The following PLCXD3 variants were observed in gnomAD, a reference collection of about 807,000 sequenced individuals.
PLCXD3 encodes the protein PI-PLC X domain-containing protein 3.
A neutral mutation model predicts 25.5 loss-of-function variants in PLCXD3; 19 were observed. The observed-to-expected ratio is 0.75, with a 90% CI of 0.52 to 1.09. The LOEUF is 1.09. Among genes scored for constraint, PLCXD3 ranks in the 50% least tolerant of loss-of-function variants. The probability of loss-of-function intolerance (pLI) is 0.00; values close to 1 mark genes in which losing one functional copy is unlikely to be tolerated. For synonymous variants in PLCXD3, 174 were observed against 137.6 expected (o/e 1.26, Z -1.85); for missense variants, 411 against 388.1 (o/e 1.06, Z -0.50).
At chr5:41,491,698 T>C (rs1217495612) in intron 1 of PLCXD3, among the ~76,000 whole-genome samples, 4 of 152,058 alleles carry the variant, frequency 2.6e-5, no homozygotes, top group Non-Finnish European at 4.4e-5. Context: ...ATGTCCTTCT[T>C]TGTCTCTTTT....
intron 2 of PLCXD3, among the ~76,000 whole-genome samples, chr5:41,365,348 C>T (rs2150486595): frequency 6.6e-6 from 1 of 152,298 alleles, no homozygotes; most frequent in East Asian, 1.9e-4. Context: ...CAGAATATTT[C>T]TGTCCTAAGA....
At chr5:41,323,536 A>G (rs1352959157) in intron 2 of PLCXD3, among the ~76,000 whole-genome samples, 3 of 152,308 alleles carry the variant, frequency 2.0e-5, no homozygotes, top group East Asian at 3.9e-4. Context: ...AAAGAAATAC[A>G]TAGCAACTGA....
chr5:41,476,968 T>C (rs1445047464), intron 1 of PLCXD3, among the ~76,000 whole-genome samples: 2 of 152,328 alleles, frequency 1.3e-5, no homozygotes, highest in African/African-American at 2.4e-5. Flanking sequence ...GTAGTTTCCA[T>C]AGATAGTCAT....
chr5:41,496,659 C>A (rs1221292830), intron 1 of PLCXD3, among the ~76,000 whole-genome samples: 1 of 144,024 alleles, frequency 6.9e-6, no homozygotes, highest in Admixed American at 6.9e-5. Flanking sequence ...GAAAGTTTAT[C>A]ACCATTAGAC....
intron 2 of PLCXD3, among the ~76,000 whole-genome samples, chr5:41,320,494 T>G (rs983501096): frequency 3.3e-5 from 5 of 152,126 alleles, no homozygotes; most frequent in African/African-American, 1.2e-4. Context: ...ATGTTTTGGT[T>G]TTTTAATTTT....
rs58098437 is a variant in PLCXD3 at position 41,465,353 on chromosome 5, C to CTTTTTTTTTT, written c.103+45061_103+45070dup. Among the ~76,000 whole-genome samples, 128 of 13,230 alleles carry CTTTTTTTTTT rather than the reference C, an allele frequency of 9.7e-3. 7 individuals carry two copies. Among genetic ancestry groups the CTTTTTTTTTT allele is most frequent in the Non-Finnish European group, 0.013 (97 of 7,440 alleles). The allele number at this position is 13,230 out of a possible 152,430, so 8.7% of individuals were successfully genotyped here. ...TCCTACTTTCCCCACTAGTTCTTGT[C>CTTTTTTTTTT]TTTTTTTTTTTTTTTTTTTTTTTTT... On this transcript the variant is annotated intron_variant, in intron 1 of 2. Transcript: ENST00000377801.
chr5:41,507,298 C>A (rs1000505453), intron 1 of PLCXD3, among the ~76,000 whole-genome samples: 10 of 152,190 alleles, frequency 6.6e-5, no homozygotes, highest in African/African-American at 2.4e-4. Flanking sequence ...AACAAATATG[C>A]ACGAATTAAA....
chr5:41,333,575 C>T (rs936994529), intron 2 of PLCXD3, among the ~76,000 whole-genome samples: 1 of 152,098 alleles, frequency 6.6e-6, no homozygotes, highest in African/African-American at 2.4e-5. Context: ...CTAAATTCAT[C>T]TCTGTGTAGG....
At chr5:41,501,976 A>G (rs1486496148) in intron 1 of PLCXD3, among the ~76,000 whole-genome samples, 1 of 152,172 alleles carries the variant, frequency 6.6e-6, no homozygotes, top group Non-Finnish European at 1.5e-5. Flanking sequence ...TAAGAGAAAT[A>G]GTTTACTGAT....
chr5:41,403,410 T>TGTTTG (rs1345288584), intron 1 of PLCXD3, among the ~76,000 whole-genome samples: 2 of 41,924 alleles, frequency 4.8e-5, no homozygotes, highest in Non-Finnish European at 1.2e-4. Context: ...TGTTTTTTTT[T>TGTTTG]TTTTTTATTA....
At chr5:41,453,114 T>C (rs1747673798) in intron 1 of PLCXD3, among the ~76,000 whole-genome samples, 1 of 151,976 alleles carries the variant, frequency 6.6e-6, no homozygotes, top group Non-Finnish European at 1.5e-5. Flanking sequence ...AGATTATTCC[T>C]CGTTTAACCA....
intron 1 of PLCXD3, among the ~76,000 whole-genome samples, chr5:41,441,701 GA>G (rs1747388878): frequency 6.6e-6 from 1 of 152,152 alleles, no homozygotes; most frequent in African/African-American, 2.4e-5. Flanking sequence ...TGACCTGTAG[GA>G]AAAGTAGACA....
intron 2 of PLCXD3, among the ~76,000 whole-genome samples, chr5:41,353,897 C>T (rs1369431766): frequency 2.0e-5 from 3 of 152,182 alleles, no homozygotes; most frequent in Admixed American, 2.0e-4. Flanking sequence ...ATAGCTGCCT[C>T]ACCAGAATTT....
At chr5:41,366,594 CCA>C (rs1744943681) in intron 2 of PLCXD3, among the ~76,000 whole-genome samples, 1 of 152,176 alleles carries the variant, frequency 6.6e-6, no homozygotes, top group African/African-American at 2.4e-5. Flanking sequence ...CAACATGCAT[CCA>C]CACACACATG....
chr5:41,464,193 G>C (rs565547913), intron 1 of PLCXD3, among the ~76,000 whole-genome samples: 2 of 151,994 alleles, frequency 1.3e-5, no homozygotes, highest in Non-Finnish European at 2.9e-5. Flanking sequence ...AATCTGAAGA[G>C]CTCTGTAATC....
chr5:41,391,670 G>T (rs1745827911), intron 1 of PLCXD3, among the ~76,000 whole-genome samples: 1 of 152,146 alleles, frequency 6.6e-6, no homozygotes, highest in Admixed American at 6.5e-5. Flanking sequence ...CCTTACTCTT[G>T]AGAAAAGCAA....
intron 2 of PLCXD3, among the ~76,000 whole-genome samples, chr5:41,380,245 T>C (rs1434565213): frequency 6.6e-6 from 1 of 152,110 alleles, no homozygotes; most frequent in Non-Finnish European, 1.5e-5. Flanking sequence ...TTCCATTACC[T>C]GTCCTGCTTA....
At chr5:41,486,913 C>G (rs769842424) in intron 1 of PLCXD3, among the ~76,000 whole-genome samples, 3 of 152,096 alleles carry the variant, frequency 2.0e-5, no homozygotes, top group Non-Finnish European at 4.4e-5. Flanking sequence ...CAGTTTAAAC[C>G]AAGACTGACC....
intron 1 of PLCXD3, among the ~76,000 whole-genome samples, chr5:41,494,745 G>T (rs1748798180): frequency 6.6e-6 from 1 of 152,168 alleles, no homozygotes; most frequent in African/African-American, 2.4e-5. Context: ...GCAGTCATTA[G>T]CATACTGATG....
Sources: allele counts gnomAD v4.1 joint callset (sites outside exome capture counted in the v4.1 genomes callset), GRCh38; gene constraint gnomAD v4.1.1; transcripts MANE v1.5; gene names NCBI Gene and HGNC (gene_info 2026-07-23, HGNC 2026-07-21).